CTTNBP2: variants seen among roughly 807,000 people sequenced by gnomAD.
CTTNBP2 encodes cortactin binding protein 2, also known as cortactin-binding protein 2.
Under a neutral mutation model 156.9 loss-of-function variants are expected in CTTNBP2, and 108 were observed. That is an observed-to-expected ratio of 0.69 (90% CI 0.59 to 0.81). CTTNBP2 has a LOEUF of 0.81. Among genes scored for constraint, CTTNBP2 ranks in the 30% least tolerant of loss-of-function variants. The probability of loss-of-function intolerance (pLI) is 0.00; values close to 1 mark genes in which losing one functional copy is unlikely to be tolerated. For missense variants in CTTNBP2, 1,924 were observed against 2,035.4 expected (o/e 0.95, Z 1.05); for synonymous variants, 767 against 751.8 (o/e 1.02, Z -0.33).
rs1047223254 is a variant in CTTNBP2 at position 117,848,187 on chromosome 7, A to T, written c.189+13022T>A. On this transcript the variant is annotated intron_variant, in intron 2 of 22. Transcript: ENST00000160373. The stretch of plus-strand genomic sequence containing the variant: ...ATAAAATGATTAAATAAGGAACATT[A>T]GCAAATGTTATGAGATCAAGCTGGC... Among the ~76,000 whole-genome samples, 4 of 152,182 alleles carry T rather than the reference A, an allele frequency of 2.6e-5. No homozygotes were observed. In the South Asian group the frequency reaches 8.3e-4, roughly 32 times the overall value.
chr7:117,758,147 TG>T, intron 10 of CTTNBP2, 177 bp from the exon 11 acceptor site: 1 of 562,414 alleles, frequency 1.8e-6, no homozygotes, highest in Non-Finnish European at 3.1e-6. Context: ...ATGAAATTCT[TG>T]TTGAAGGTTG....
intron 14 of CTTNBP2, 94 bp from the exon 15 acceptor site, chr7:117,735,515 G>T: frequency 9.6e-7 from 1 of 1,045,862 alleles, no homozygotes; most frequent in Non-Finnish European, 1.4e-6. Context: ...TAAAGCATTA[G>T]CAAAGATGTG....
chr7:117,790,958 C>T (rs1041642701), intron 4 of CTTNBP2, among the ~76,000 whole-genome samples, 170 bp downstream of exon 4: 23 of 150,342 alleles, frequency 1.5e-4, no homozygotes, highest in African/African-American at 5.4e-4. Flanking sequence ...ATCACCATAC[C>T]CTGGAGCCTT....
At chr7:117,819,365 TCTCACACACACA>T (rs1489894789) in intron 2 of CTTNBP2, among the ~76,000 whole-genome samples, 5 of 136,918 alleles carry the variant, frequency 3.7e-5, no homozygotes, top group East Asian at 2.0e-4. Context: ...CTTCTCTCTC[TCTCACACACACA>T]CACACACACA....
intron 16 of CTTNBP2, among the ~76,000 whole-genome samples, chr7:117,731,248 G>T (rs1795382078): frequency 6.6e-6 from 1 of 152,170 alleles, no homozygotes; most frequent in African/African-American, 2.4e-5. Flanking sequence ...CCCTTCAAAG[G>T]TGATTGTTAA....
chr7:117,822,393 CAA>C (rs144373136), intron 2 of CTTNBP2, among the ~76,000 whole-genome samples: 10,338 of 152,046 alleles, frequency 0.068, 373 homozygotes, highest in African/African-American at 0.095. Context: ...CTTCTTTTAA[CAA>C]AAAGTTTTTC....
chr7:117,869,984 G>A (rs1219926965), intron 1 of CTTNBP2, among the ~76,000 whole-genome samples: 1 of 152,058 alleles, frequency 6.6e-6, no homozygotes, highest in Non-Finnish European at 1.5e-5. Flanking sequence ...GACCACATTT[G>A]CACACTCCTT....
chr7:117,780,126 T>C (rs769072237), intron 7 of CTTNBP2, among the ~76,000 whole-genome samples: 1 of 152,198 alleles, frequency 6.6e-6, no homozygotes, highest in African/African-American at 2.4e-5. Context: ...TCTGAGACTA[T>C]TATTTGTTGA....
Position 117,791,630 on chromosome 7 carries a change from A to C in CTTNBP2, c.1566T>G (p.Pro522=). 1 of 1,614,056 alleles carries C rather than the reference A, an allele frequency of 6.2e-7. No individual in the cohort carries two copies. ...TCTTTAAACTGGTCCGACCAACTGG[A>C]GGGTGGGTGCCAACATCCCCTGTTG... ...VPPTGDVGTH[P]PVGRTSLKTH... The change falls in exon 4 of 23, where the codon CCT becomes CCG. Residue 522 remains proline, a synonymous_variant. Coordinates refer to ENST00000160373, the MANE Select transcript of CTTNBP2 (RefSeq NM_033427.3).
intron 2 of CTTNBP2, among the ~76,000 whole-genome samples, chr7:117,847,219 G>C (rs1011345687): frequency 1.3e-5 from 2 of 152,088 alleles, no homozygotes; most frequent in Non-Finnish European, 2.9e-5. Flanking sequence ...AATAAAGAGA[G>C]TTGGAAAGTT....
chr7:117,852,742 T>C (rs1803010902), intron 2 of CTTNBP2, among the ~76,000 whole-genome samples: 1 of 152,228 alleles, frequency 6.6e-6, no homozygotes, highest in Non-Finnish European at 1.5e-5. Flanking sequence ...AACAATTTCT[T>C]TGTAGCTTCA....
intron 14 of CTTNBP2, among the ~76,000 whole-genome samples, chr7:117,744,004 T>G (rs1424508199): frequency 1.3e-5 from 2 of 152,090 alleles, no homozygotes; most frequent in Non-Finnish European, 2.9e-5. Context: ...AACCTGCCTC[T>G]TAATTTCATT....
intron 2 of CTTNBP2, among the ~76,000 whole-genome samples, chr7:117,812,945 G>A (rs1471435880): frequency 6.6e-6 from 1 of 152,104 alleles, no homozygotes; most frequent in Non-Finnish European, 1.5e-5. Flanking sequence ...AGCATCTGCT[G>A]CAGGCTAACA....
Position 117,760,445 on chromosome 7 carries a change from G to T in CTTNBP2, c.3162C>A (p.Ser1054=), listed in dbSNP as rs1490134789. ...TAGGACTGCTGATACCTAGCGTGAT[G>T]GATCGTATGCTTCTTGCACTGAGGC... is the stretch of plus-strand genomic sequence containing the variant. The part of the protein sequence containing the change: ...NIGLSARSIR[S]ITLGNVPWSV... The change falls in exon 10 of 23, where the codon TCC becomes TCA. Residue 1054 remains serine, a synonymous_variant. Coordinates refer to ENST00000160373, the MANE Select transcript of CTTNBP2 (RefSeq NM_033427.3). The T allele has an allele frequency of 6.2e-7, 1 of 1,613,638 alleles. No homozygotes were observed. Among genetic ancestry groups the T allele is most frequent in the African/African-American group, 1.3e-5 (1 of 74,910 alleles).
intron 11 of CTTNBP2, among the ~76,000 whole-genome samples, chr7:117,757,650 C>T (rs946639707): frequency 1.3e-5 from 2 of 151,852 alleles, no homozygotes; most frequent in African/African-American, 4.8e-5. Flanking sequence ...GAATGACAGG[C>T]ATCAATGATC....
At chr7:117,713,484 T>C (rs759337966) in intron 22 of CTTNBP2, among the ~76,000 whole-genome samples, 10 of 152,168 alleles carry the variant, frequency 6.6e-5, no homozygotes, top group Non-Finnish European at 1.2e-4. Flanking sequence ...CCAGTGAATT[T>C]AGCAGGAAAT....
intron 1 of CTTNBP2, among the ~76,000 whole-genome samples, chr7:117,872,988 C>T (rs539676372): frequency 1.3e-5 from 2 of 152,272 alleles, no homozygotes; most frequent in Non-Finnish European, 2.9e-5. Context: ...CCAGGAAACA[C>T]GTCCCAGCCT....
Position 117,718,052 on chromosome 7 carries a change from G to T in CTTNBP2, c.4712C>A (p.Thr1571Asn). Residue 1571 changes from threonine to asparagine, a missense_variant, in exon 22 of 23, where the codon ACT becomes AAT. By Grantham distance (65) the Thr-to-Asn change is moderately conservative. Transcript: ENST00000160373. Reference sequence around the variant, plus strand: ...CACTGGCATTCTCAGATTATTAATAGTTGCTGAAAGTACAGGGTTGTTTCC... The same window carrying T: ...CACTGGCATTCTCAGATTATTAATATTTGCTGAAAGTACAGGGTTGTTTCC... ...SSGNNPVLSA[T>N]INNLRMPVSQ... 1 of 1,612,330 alleles carries T rather than the reference G, an allele frequency of 6.2e-7. No homozygotes were observed. Among genetic ancestry groups the T allele is most frequent in the Non-Finnish European group, 8.5e-7 (1 of 1,178,512 alleles).
chr7:117,717,933 C>G (rs1328868786), intron 22 of CTTNBP2, 85 bp downstream of exon 22: 6 of 845,428 alleles, frequency 7.1e-6, no homozygotes, highest in Non-Finnish European at 1.2e-5. Context: ...AAAAATAACT[C>G]TGTGATTCAC....
Sources: gnomAD v4.1 joint callset for allele counts (sites outside exome capture counted in the v4.1 genomes callset) on GRCh38, gnomAD v4.1.1 for gene constraint, MANE v1.5 for transcripts, NCBI Gene and HGNC (gene_info 2026-07-23, HGNC 2026-07-21) for gene names.